CEP192: variants seen among roughly 807,000 people sequenced by gnomAD.
CEP192 encodes centrosomal protein of 192 kDa.
CEP192 carries 151 observed loss-of-function variants against 271.8 expected under a neutral mutation model. That is an observed-to-expected ratio of 0.56 (90% CI 0.49 to 0.64). The LOEUF (loss-of-function observed/expected upper bound fraction) is 0.64, where lower values mean the gene tolerates loss of function less well. Among genes scored for constraint, CEP192 ranks in the 30% least tolerant of loss-of-function variants. The pLI is 0.00. For synonymous variants in CEP192, 995 were observed against 1,076.5 expected (o/e 0.92, Z 1.48); for missense variants, 2,910 against 3,020.5 (o/e 0.96, Z 0.86).
rs528711769 is a variant in CEP192, at chr18:13,122,426, A to G, written c.7476-2206A>G. Among the ~76,000 whole-genome samples the G allele has an allele frequency of 7.9e-5, 12 of 152,148 alleles. No individual in the cohort carries two copies. In the South Asian group the frequency reaches 2.5e-3, roughly 32 times the overall value. ...AAAGAGCGAGACACCGTCTCAAAAA[A>G]ACAAAGTAGCCGGGCCTGGTGGCAT... is the stretch of plus-strand genomic sequence containing the variant. On this transcript the variant is annotated intron_variant, in intron 44 of 44. Coordinates refer to ENST00000506447, the MANE Select transcript of CEP192 (RefSeq NM_032142.4).
chr18:13,021,615 G>A (rs2035000210), intron 9 of CEP192, among the ~76,000 whole-genome samples: 1 of 152,138 alleles, frequency 6.6e-6, no homozygotes, highest in African/African-American at 2.4e-5. Context: ...ATATGAATTT[G>A]AAGATCAGCT....
chr18:13,051,214 T>C (rs192080480), intron 17 of CEP192, among the ~76,000 whole-genome samples: 2 of 152,332 alleles, frequency 1.3e-5, no homozygotes, highest in Admixed American at 1.3e-4. Context: ...CCCTTTTATT[T>C]TGCCTGTGTT....
intron 9 of CEP192, among the ~76,000 whole-genome samples, chr18:13,026,807 A>G (rs1452095919): frequency 6.6e-6 from 1 of 152,132 alleles, no homozygotes; most frequent in Admixed American, 6.5e-5. Flanking sequence ...TATCCATTAG[A>G]GCCCTTAGAA....
At chr18:13,090,561 G>T (rs2039092688) in intron 33 of CEP192, among the ~76,000 whole-genome samples, 1 of 152,164 alleles carries the variant, frequency 6.6e-6, no homozygotes, top group South Asian at 2.1e-4. Context: ...ATGCCTTGGT[G>T]TAGGGGTGAT....
At chr18:13,040,654 G>A (rs537650530) in intron 13 of CEP192, among the ~76,000 whole-genome samples, 176 bp from the exon 14 acceptor site, 1 of 152,260 alleles carries the variant, frequency 6.6e-6, no homozygotes, top group South Asian at 2.1e-4. Context: ...CTAGTATTAA[G>A]GAAATGAAAG....
intron 19 of CEP192, among the ~76,000 whole-genome samples, chr18:13,057,081 G>A (rs946268588): frequency 6.6e-6 from 1 of 152,180 alleles, no homozygotes; most frequent in Non-Finnish European, 1.5e-5. Flanking sequence ...CATTTGTGGG[G>A]CAGCTTCTCT....
chr18:13,110,100 C>G (rs1231187959), intron 40 of CEP192, among the ~76,000 whole-genome samples: 1 of 152,144 alleles, frequency 6.6e-6, no homozygotes, highest in Non-Finnish European at 1.5e-5. Flanking sequence ...TCTAAGCCCA[C>G]TTTATTCTTT....
chr18:12,999,691 T>C, intron 2 of CEP192, 103 bp downstream of exon 2: 1 of 788,610 alleles, frequency 1.3e-6, no homozygotes. Flanking sequence ...TTGTTTTATC[T>C]ATGAGGGGGA....
chr18:13,030,546 A>G lies in CEP192; in HGVS notation c.1472A>G (p.Asn491Ser). The G allele has an allele frequency of 1.9e-6, 3 of 1,612,532 alleles. No individual in the cohort carries two copies. The highest frequency in any genetic ancestry group is 1.7e-4 in the Middle Eastern group (1 of 5,786). The change falls in exon 11 of 45, where the codon AAT (asparagine) becomes AGT (serine). Residue 491 changes from asparagine (N) to serine (S), a missense_variant. Coordinates refer to ENST00000506447, the MANE Select transcript of CEP192 (RefSeq NM_032142.4). Reference protein sequence around the residue: ...VTDLAYYTSFNSKQNLNVSLS... With the variant: ...VTDLAYYTSFSSKQNLNVSLS... ...GACCTTGCCTATTACACATCTTTTA[A>G]TAGCAAACAAAATTTAAATGTGTCT...
chr18:13,016,563 A>T (rs1390759676), intron 6 of CEP192, among the ~76,000 whole-genome samples: 1 of 152,216 alleles, frequency 6.6e-6, no homozygotes, highest in East Asian at 1.9e-4. Context: ...GAATGTATCC[A>T]ATCTTTGATT....
At position 13,100,443 on chromosome 18, in the gene CEP192, C is replaced by T; in HGVS notation, c.6802C>T (p.Pro2268Ser). 1 of 1,614,116 alleles carries T rather than the reference C, an allele frequency of 6.2e-7. No individual in the cohort carries two copies. ...SHLVKPMTKP[P>S]STKVEIRNKS... ...TTTGGTCAAACCAATGACAAAACCG[C>T]CTTCCACAAAAGTTGAAATAAGAAA... The change falls in exon 38 of 45, where the codon CCT (proline) becomes TCT (serine). Residue 2268 changes from proline (P) to serine (S), a missense_variant. Coordinates refer to ENST00000506447, the MANE Select transcript of CEP192 (RefSeq NM_032142.4).
Position 13,067,865 on chromosome 18 carries a change from G to A in CEP192, c.4523G>A (p.Gly1508Asp), listed in dbSNP as rs145781400. The A allele has an allele frequency of 6.2e-7, 1 of 1,612,166 alleles. No homozygotes were observed. Among genetic ancestry groups the A allele is most frequent in the Non-Finnish European group, 8.5e-7 (1 of 1,178,498 alleles). The change falls in exon 22 of 45, where the codon GGT (glycine) becomes GAT (aspartate). Residue 1508 changes from glycine to aspartate, a missense_variant. Gly to Asp is a moderately conservative substitution (Grantham distance 94, BLOSUM62 -1). Transcript: ENST00000506447. ...ETEKKDVLDF[G>D]DLTYGGWKAL... ...GAAAAGAAAGACGTTCTTGATTTTGGTGACTTGACTTATGGAGGCTGGAAA... is the reference window on the plus strand; with the variant it reads ...GAAAAGAAAGACGTTCTTGATTTTGATGACTTGACTTATGGAGGCTGGAAA...
intron 40 of CEP192, among the ~76,000 whole-genome samples, chr18:13,108,850 G>C (rs1356332306): frequency 6.6e-6 from 1 of 152,162 alleles, no homozygotes; most frequent in Non-Finnish European, 1.5e-5. Flanking sequence ...ACTCCAGCCT[G>C]TGTGACAGGG....
chr18:13,019,503 T>C (rs1210822229), intron 9 of CEP192, among the ~76,000 whole-genome samples: 2 of 152,174 alleles, frequency 1.3e-5, no homozygotes, highest in Non-Finnish European at 2.9e-5. Context: ...TGCTCAAACA[T>C]GTTTGTTTTT....
chr18:13,102,857 G>A (rs999005074), intron 38 of CEP192, among the ~76,000 whole-genome samples: 8 of 152,144 alleles, frequency 5.3e-5, no homozygotes, highest in Non-Finnish European at 8.8e-5. Context: ...GTGTGCTCGG[G>A]CCCAGGCATC....
intron 39 of CEP192, 159 bp downstream of exon 39, chr18:13,103,747 G>A (rs2039825495): frequency 1.5e-6 from 1 of 675,068 alleles, no homozygotes; most frequent in Non-Finnish European, 2.7e-6. Flanking sequence ...CTGGAGTGCA[G>A]TGGTATGAAC....
intron 11 of CEP192, among the ~76,000 whole-genome samples, chr18:13,035,199 C>T (rs1032329072): frequency 3.9e-5 from 6 of 152,182 alleles, no homozygotes; most frequent in South Asian, 2.1e-4. Context: ...TTGAGCTGTT[C>T]GGTCAATTAT....
In CEP192 at chr18:13,116,469, T is replaced by G. The variant is rs1158911666; in HGVS notation, c.7382T>G (p.Val2461Gly). 6.2e-7 allele frequency: 1 copy of G among 1,609,654 alleles called. No individual in the cohort carries two copies. Among genetic ancestry groups the G allele is most frequent in the East Asian group, 2.2e-5 (1 of 44,722 alleles). Residue 2461 changes from valine to glycine, a missense_variant, in exon 43 of 45, where the codon GTC becomes GGC. By Grantham distance (109) the Val-to-Gly change is moderately radical. Coordinates refer to ENST00000506447, the MANE Select transcript of CEP192 (RefSeq NM_032142.4). ...TSVGESRTLK[V>G]NLRNNSFITH... ...GTGGGGGAATCACGGACACTTAAAG[T>G]CAATCTGCGAAATAATTCTTTTATT...
Position 13,030,482 on chromosome 18 carries a change from A to AGT in CEP192, c.1412_1413dup (p.Val472TrpfsTer26). ...TTTTTTAGAAACAGATCTCCCACAG[A>AGT]GTGTGGTCTATCAAAATGAAGAGGG... On this transcript the variant is annotated frameshift_variant, in exon 11 of 45. Coordinates refer to ENST00000506447, the MANE Select transcript of CEP192 (RefSeq NM_032142.4). LOFTEE classifies it high-confidence loss of function. The AGT allele has an allele frequency of 6.2e-7, 1 of 1,608,852 alleles. No individual in the cohort carries two copies. Among genetic ancestry groups the AGT allele is most frequent in the Non-Finnish European group, 8.5e-7 (1 of 1,177,146 alleles).
Sources: gnomAD v4.1 joint callset for allele counts (sites outside exome capture counted in the v4.1 genomes callset) on GRCh38, gnomAD v4.1.1 for gene constraint, MANE v1.5 for transcripts, NCBI Gene and HGNC (gene_info 2026-07-23, HGNC 2026-07-21) for gene names.